MYO1D: variants seen among roughly 807,000 people sequenced by gnomAD.
The protein encoded by MYO1D is unconventional myosin-Id.
MYO1D carries 83 observed loss-of-function variants against 122.0 expected under a neutral mutation model. The observed-to-expected ratio is 0.68, with a 90% confidence interval of 0.57 to 0.82. The LOEUF (loss-of-function observed/expected upper bound fraction) is 0.82, where lower values mean the gene tolerates loss of function less well. Among genes scored for constraint, MYO1D ranks in the 40% least tolerant of loss-of-function variants. The probability of loss-of-function intolerance (pLI) is 0.00; values close to 1 mark genes in which losing one functional copy is unlikely to be tolerated. For synonymous variants in MYO1D, 464 were observed against 446.9 expected (o/e 1.04, Z -0.48); for missense variants, 1,157 against 1,269.5 (o/e 0.91, Z 1.35).
intron 14 of MYO1D, among the ~76,000 whole-genome samples, 198 bp from the exon 15 acceptor site, chr17:32,721,387 T>G (rs2089509132): frequency 6.6e-6 from 1 of 152,200 alleles, no homozygotes; most frequent in African/African-American, 2.4e-5. Flanking sequence ...TTCAGCCAAA[T>G]TTTTGTTTAA....
At chr17:32,779,352 T>C (rs1307200120) in intron 2 of MYO1D, among the ~76,000 whole-genome samples, 1 of 152,014 alleles carries the variant, frequency 6.6e-6, no homozygotes. Context: ...TATGATTCAA[T>C]TATTTAAATG....
chr17:32,867,641 G>A (rs1389356993), intron 1 of MYO1D, among the ~76,000 whole-genome samples: 2 of 149,714 alleles, frequency 1.3e-5, no homozygotes, highest in African/African-American at 4.9e-5. Context: ...TACTAAAAAT[G>A]CAAAAATCAG....
At chr17:32,776,243 G>A (rs2090171325) in intron 3 of MYO1D, among the ~76,000 whole-genome samples, 1 of 151,990 alleles carries the variant, frequency 6.6e-6, no homozygotes, top group South Asian at 2.1e-4. Context: ...CTATACAGGT[G>A]CTAAAAAGAA....
intron 16 of MYO1D, among the ~76,000 whole-genome samples, chr17:32,691,143 G>GCTA (rs2089091916): frequency 6.6e-6 from 1 of 151,620 alleles, no homozygotes; most frequent in Non-Finnish European, 1.5e-5. Flanking sequence ...TGTAGACCCA[G>GCTA]CTACTGGGGA....
intron 16 of MYO1D, among the ~76,000 whole-genome samples, chr17:32,676,029 T>C (rs188729138): frequency 3.9e-5 from 6 of 152,298 alleles, no homozygotes; most frequent in Admixed American, 3.3e-4. Flanking sequence ...CAATCCCCTA[T>C]TGTGAGATAT....
intron 20 of MYO1D, among the ~76,000 whole-genome samples, chr17:32,633,590 T>C (rs1204214404): frequency 2.0e-5 from 3 of 152,100 alleles, no homozygotes; most frequent in Non-Finnish European, 4.4e-5. Context: ...ATGCATGCCC[T>C]AGAGTGCACA....
At chr17:32,632,584 T>TACAC (rs1417753749) in intron 20 of MYO1D, 18 of 98,614 alleles carry the variant, frequency 1.8e-4, no homozygotes, top group East Asian at 4.4e-4. Context: ...TATATATATA[T>TACAC]ATACACACAC....
chr17:32,498,644 G>GA (rs1178668792), intron 21 of MYO1D: 1 of 152,220 alleles, frequency 6.6e-6, no homozygotes, highest in African/African-American at 2.4e-5. Flanking sequence ...TGATGCACGT[G>GA]AGGCACTTTG....
chr17:32,520,045 AC>A (rs933104403), intron 21 of MYO1D, among the ~76,000 whole-genome samples: 1 of 152,180 alleles, frequency 6.6e-6, no homozygotes, highest in African/African-American at 2.4e-5. Flanking sequence ...AGTTTGCTTT[AC>A]GTGACACTTT....
intron 21 of MYO1D, among the ~76,000 whole-genome samples, chr17:32,576,936 T>A (rs2087284061): frequency 6.6e-6 from 1 of 152,202 alleles, no homozygotes; most frequent in Non-Finnish European, 1.5e-5. Context: ...TGCTTTGGCC[T>A]CCCAAAGTGC....
chr17:32,659,304 T>C lies in MYO1D; in HGVS notation c.2156A>G (p.Lys719Arg). 1 of 1,614,238 alleles carries C rather than the reference T, an allele frequency of 6.2e-7. No homozygotes were observed. The highest frequency in any genetic ancestry group is 8.5e-7 in the Non-Finnish European group (1 of 1,180,046). The change falls in exon 17 of 22, where the codon AAA becomes AGA. Residue 719 changes from lysine (K) to arginine (R), a missense_variant. Coordinates refer to ENST00000318217, the MANE Select transcript of MYO1D (RefSeq NM_015194.3). ...WRGTLARMRY[K>R]RTKAALTIIR... ...TATTGTCAGAGCTGCCTTGGTTCTT[T>C]TGTACCGCATGCGGGCCAGGGTGCC...
In MYO1D at chr17:32,543,799, G is replaced by A. The variant is rs575844897; in HGVS notation, c.2865-48884C>T. Among the ~76,000 whole-genome samples the A allele has an allele frequency of 5.5e-4, 84 of 151,354 alleles. 1 individual carries two copies. Among genetic ancestry groups the A allele is most frequent in the African/African-American group, 1.9e-3 (80 of 41,270 alleles). On this transcript the variant is annotated intron_variant, in intron 21 of 21. Transcript: ENST00000318217. The stretch of plus-strand genomic sequence containing the variant: ...CATATTAAAGCAATACTTAAATCTT[G>A]CTTTTTTTTTTGAGATGGAGTCTCG...
At chr17:32,746,056 C>T (rs992608635) in intron 12 of MYO1D, among the ~76,000 whole-genome samples, 6 of 152,190 alleles carry the variant, frequency 3.9e-5, no homozygotes, top group South Asian at 2.1e-4. Context: ...GTTCTGCTCT[C>T]GTGCCTGTTT....
At chr17:32,596,582 T>C (rs1273554845) in intron 21 of MYO1D, among the ~76,000 whole-genome samples, 1 of 152,184 alleles carries the variant, frequency 6.6e-6, no homozygotes, top group African/African-American at 2.4e-5. Context: ...AAACTACAAC[T>C]GAGAAGCTGG....
At chr17:32,751,637 A>G (rs2089900276) in intron 11 of MYO1D, among the ~76,000 whole-genome samples, 1 of 152,186 alleles carries the variant, frequency 6.6e-6, no homozygotes, top group Admixed American at 6.5e-5. Context: ...ACTGAAGCTA[A>G]GAACCAAATC....
intron 16 of MYO1D, among the ~76,000 whole-genome samples, chr17:32,678,562 T>G (rs2088859764): frequency 6.6e-6 from 1 of 151,370 alleles, no homozygotes; most frequent in Non-Finnish European, 1.5e-5. Flanking sequence ...TCCAATTTCA[T>G]CCATGTCCCT....
intron 15 of MYO1D, among the ~76,000 whole-genome samples, chr17:32,713,429 A>G (rs529295547): frequency 7.6e-4 from 115 of 152,274 alleles, no homozygotes; most frequent in African/African-American, 2.5e-3. Context: ...TTAATTATAG[A>G]GGATACAAGT....
intron 21 of MYO1D, among the ~76,000 whole-genome samples, chr17:32,554,186 T>TCCCTGCCCCTGC (rs149083081): frequency 2.0e-5 from 3 of 151,842 alleles, no homozygotes; most frequent in Non-Finnish European, 4.4e-5. Flanking sequence ...GAGCTGAGAG[T>TCCCTGCCCCTGC]CCCTGCCCCT....
intron 7 of MYO1D, 56 bp from the exon 8 acceptor site, chr17:32,765,137 T>C (rs541186050): frequency 1.4e-6 from 2 of 1,433,902 alleles, no homozygotes; most frequent in Admixed American, 1.7e-5. Flanking sequence ...AAGGATATAT[T>C]TGCCAATATA....
Sources: gnomAD v4.1 joint callset for allele counts (sites outside exome capture counted in the v4.1 genomes callset) on GRCh38, gnomAD v4.1.1 for gene constraint, MANE v1.5 for transcripts, NCBI Gene and HGNC (gene_info 2026-07-23, HGNC 2026-07-21) for gene names.